Variants in ESRRG observed in about 807,000 individuals in gnomAD.
ESRRG encodes the protein estrogen-related receptor gamma.
Under a neutral mutation model 44.0 loss-of-function variants are expected in ESRRG, and 13 were observed. The ratio of observed to expected loss-of-function variants is 0.30; its 90% CI spans 0.19 to 0.47. ESRRG has a LOEUF of 0.47. Ranked by LOEUF, ESRRG falls within the 20% of genes least tolerant of loss-of-function variation. The pLI, the probability that ESRRG is intolerant of heterozygous loss-of-function variation, is 1.00. For synonymous variants in ESRRG, 215 were observed against 214.6 expected (o/e 1.00, Z -0.02); for missense variants, 395 against 580.6 (o/e 0.68, Z 3.29).
intron 2 of ESRRG, among the ~76,000 whole-genome samples, chr1:216,918,465 T>G (rs1192190165): frequency 6.6e-6 from 1 of 152,106 alleles, no homozygotes; most frequent in Admixed American, 6.6e-5. Context: ...AATTGCAAAT[T>G]TTTCTTCTCT....
chr1:216,928,022 A>G (rs748576136), intron 2 of ESRRG, among the ~76,000 whole-genome samples: 8 of 152,216 alleles, frequency 5.3e-5, no homozygotes, highest in Non-Finnish European at 1.2e-4. Flanking sequence ...TACTGAAAAG[A>G]CAAAGAGAAG....
chr1:216,561,744 C>T (rs2058784968), intron 5 of ESRRG, among the ~76,000 whole-genome samples: 2 of 152,012 alleles, frequency 1.3e-5, no homozygotes, highest in African/African-American at 4.8e-5. Context: ...TTTTGCTAAT[C>T]CCTTTCTGAA....
At chr1:217,017,327 C>T (rs2079547842) in intron 1 of ESRRG, among the ~76,000 whole-genome samples, 1 of 152,008 alleles carries the variant, frequency 6.6e-6, no homozygotes, top group Non-Finnish European at 1.5e-5. Context: ...AAAATAACCC[C>T]TCTCAGCCTC....
At chr1:216,619,407 CA>C (rs1175630554) in intron 3 of ESRRG, among the ~76,000 whole-genome samples, 2 of 152,172 alleles carry the variant, frequency 1.3e-5, no homozygotes. Flanking sequence ...ATTCATCAAA[CA>C]GCCCATTATC....
chr1:216,558,855 TG>T (rs1191330339), intron 5 of ESRRG, among the ~76,000 whole-genome samples: 6 of 149,700 alleles, frequency 4.0e-5, no homozygotes, highest in Admixed American at 1.3e-4. Context: ...TTCTGTTTTT[TG>T]TTTTTTGTTT....
chr1:216,889,322 A>G (rs2057458080), intron 2 of ESRRG, among the ~76,000 whole-genome samples: 4 of 152,212 alleles, frequency 2.6e-5, no homozygotes, highest in Admixed American at 2.0e-4. Context: ...GAAATGGTCA[A>G]CGTAGAGGGT....
chr1:216,931,437 T>G (rs983196482), intron 2 of ESRRG, among the ~76,000 whole-genome samples: 1 of 152,180 alleles, frequency 6.6e-6, no homozygotes, highest in Non-Finnish European at 1.5e-5. Context: ...GCTCCTTCCT[T>G]ATTCTGGAAA....
chr1:216,665,930 T>C (rs1420829471), intron 2 of ESRRG, among the ~76,000 whole-genome samples: 1 of 152,232 alleles, frequency 6.6e-6, no homozygotes, highest in Non-Finnish European at 1.5e-5. Context: ...AGTGAGTTAA[T>C]GTGTTTTATA....
chr1:216,722,365 C>T (rs1287579620), intron 1 of ESRRG, among the ~76,000 whole-genome samples: 2 of 152,138 alleles, frequency 1.3e-5, no homozygotes, highest in Non-Finnish European at 2.9e-5. Flanking sequence ...ATCACCTACT[C>T]ATTTACACAA....
intron 3 of ESRRG, among the ~76,000 whole-genome samples, chr1:216,600,624 T>A (rs2059076824): frequency 6.6e-6 from 1 of 152,120 alleles, no homozygotes; most frequent in South Asian, 2.1e-4. Context: ...CACCCAGGTA[T>A]TAAGCCTAGT....
intron 1 of ESRRG, among the ~76,000 whole-genome samples, chr1:216,991,847 A>G (rs913030487): frequency 2.0e-5 from 3 of 152,184 alleles, no homozygotes; most frequent in Non-Finnish European, 4.4e-5. Flanking sequence ...TTCTCCCTAG[A>G]AAGAAATTTC....
intron 2 of ESRRG, among the ~76,000 whole-genome samples, chr1:216,829,714 C>T (rs2095455967): frequency 6.6e-6 from 1 of 151,938 alleles, no homozygotes; most frequent in Non-Finnish European, 1.5e-5. Flanking sequence ...CCACCATGCC[C>T]ACCTAATTTT....
chr1:216,603,439 T>C (rs903333490), intron 3 of ESRRG, among the ~76,000 whole-genome samples: 1 of 152,210 alleles, frequency 6.6e-6, no homozygotes, highest in Non-Finnish European at 1.5e-5. Context: ...TGTGGAAAGA[T>C]TTGTACTTAA....
chr1:216,606,336 C>T lies in ESRRG; in HGVS notation c.590-38238G>A, dbSNP rs527823710. 5.9e-4 allele frequency among the ~76,000 whole-genome samples: 90 copies of T among 152,264 alleles called. 1 individual carries two copies. Among genetic ancestry groups the T allele is most frequent in the Non-Finnish European group, 7.1e-4 (48 of 68,020 alleles). On this transcript the variant is annotated intron_variant, in intron 3 of 6. Coordinates refer to ENST00000408911, the MANE Select transcript of ESRRG (RefSeq NM_001438.4). ...GCCCCAACTCAGACGTGGTAGTAAACGCCAGAGACTAATAGGAAATTAAAC... is the reference window on the plus strand; with the variant it reads ...GCCCCAACTCAGACGTGGTAGTAAATGCCAGAGACTAATAGGAAATTAAAC...
At position 216,845,931 on chromosome 1, in the gene ESRRG, C is replaced by T. The variant is rs574075045; in HGVS notation, c.-14+93651G>A. 6.6e-5 allele frequency among the ~76,000 whole-genome samples: 10 copies of T among 152,226 alleles called. No homozygotes were observed. The East Asian group carries it at 7.7e-4, about 12-fold the overall frequency. On this transcript the variant is annotated intron_variant, in intron 2 of 7. Coordinates refer to the ESRRG transcript ENST00000359162. ...TTTGAGAGGAAGGGAAAGAAAGCTG[C>T]GTTTCTATTGCACCAAGAAGGAAAT...
At chr1:216,846,830 C>G (rs542236431) in intron 2 of ESRRG, among the ~76,000 whole-genome samples, 13 of 152,018 alleles carry the variant, frequency 8.6e-5, no homozygotes, top group African/African-American at 2.2e-4. Context: ...CCTGAATCTT[C>G]GGTTTTATTT....
chr1:216,821,426 C>G (rs1414583481), intron 2 of ESRRG, among the ~76,000 whole-genome samples: 1 of 151,974 alleles, frequency 6.6e-6, no homozygotes, highest in African/African-American at 2.4e-5. Context: ...TGGCTCCTGT[C>G]TGTAATCCCA....
chr1:216,544,910 C>T (rs2054017355), intron 5 of ESRRG, among the ~76,000 whole-genome samples: 1 of 151,748 alleles, frequency 6.6e-6, no homozygotes, highest in African/African-American at 2.4e-5. Flanking sequence ...GTGTTTTTCT[C>T]TTAAATGATT....
At chr1:216,584,763 C>T (rs1033108939) in intron 3 of ESRRG, among the ~76,000 whole-genome samples, 29 of 152,178 alleles carry the variant, frequency 1.9e-4, no homozygotes, top group Non-Finnish European at 7.3e-5. Flanking sequence ...AAGAAAGGTA[C>T]TAGTAACCTG....
Sources: allele counts gnomAD v4.1 joint callset (sites outside exome capture counted in the v4.1 genomes callset), GRCh38; gene constraint gnomAD v4.1.1; transcripts MANE v1.5; gene names NCBI Gene and HGNC (gene_info 2026-07-23, HGNC 2026-07-21).